Variants in ENO4 observed in about 807,000 individuals in gnomAD.
ENO4 encodes the protein 2-phospho-D-glycerate hydro-lyase.
ENO4 carries 53 observed loss-of-function variants against 63.2 expected under a neutral mutation model. The observed-to-expected ratio is 0.84, with a 90% CI of 0.67 to 1.05. The LOEUF (loss-of-function observed/expected upper bound fraction) is 1.05, where lower values mean the gene tolerates loss of function less well. ENO4 is among the 50% of genes least tolerant of loss of function. The pLI is 0.00. For missense variants in ENO4, 719 were observed against 772.0 expected (o/e 0.93, Z 0.81); for synonymous variants, 266 against 283.8 (o/e 0.94, Z 0.63).
chr10:116,857,898 A>G (rs2133251006), intron 3 of ENO4, among the ~76,000 whole-genome samples: 1 of 152,302 alleles, frequency 6.6e-6, no homozygotes, highest in Non-Finnish European at 1.5e-5. Flanking sequence ...CGGCCTCCCA[A>G]AGTGCTGGGA....
At chr10:116,899,544 TGTGAGAGA>T (rs1247755341) in intron 10 of ENO4, among the ~76,000 whole-genome samples, 14 of 99,264 alleles carry the variant, frequency 1.4e-4, no homozygotes, top group South Asian at 1.1e-3. Context: ...TGTGTGTGTG[TGTGAGAGA>T]GTGCATGCAT....
At chr10:116,873,609 C>G (rs192071461) in intron 9 of ENO4, among the ~76,000 whole-genome samples, 25 of 152,282 alleles carry the variant, frequency 1.6e-4, no homozygotes, top group Non-Finnish European at 3.1e-4. Context: ...GTTAGTATAT[C>G]AAAAGCCTAG....
intron 8 of ENO4, among the ~76,000 whole-genome samples, chr10:116,870,752 G>A (rs527597740): frequency 2.4e-4 from 36 of 152,300 alleles, no homozygotes; most frequent in Non-Finnish European, 4.4e-4. Flanking sequence ...GAAAAGGACT[G>A]GCAGAGCTAG....
At chr10:116,869,429 C>T (rs1176477031) in intron 8 of ENO4, among the ~76,000 whole-genome samples, 1 of 152,098 alleles carries the variant, frequency 6.6e-6, no homozygotes, top group Non-Finnish European at 1.5e-5. Context: ...CTTTGCCCCA[C>T]CCTGATGTTA....
At chr10:116,875,892 G>C (rs1846818424) in intron 10 of ENO4, among the ~76,000 whole-genome samples, 173 bp from the exon 11 acceptor site, 2 of 152,300 alleles carry the variant, frequency 1.3e-5, no homozygotes, top group South Asian at 4.1e-4. Flanking sequence ...GTTTCCCAAA[G>C]CTTCTTAGTT....
At chr10:116,905,367 ATGT>A (rs1031918678) in intron 10 of ENO4, among the ~76,000 whole-genome samples, 11 of 152,158 alleles carry the variant, frequency 7.2e-5, no homozygotes, top group Admixed American at 6.5e-4. Flanking sequence ...TAAGAAAAAA[ATGT>A]TGTGGTACCC....
rs537239899 is a variant in ENO4 at position 116,853,830 on chromosome 10, C to T, written c.166-1793C>T. 2.6e-3 allele frequency among the ~76,000 whole-genome samples: 400 copies of T among 152,246 alleles called. 3 individuals are homozygous for T. Among genetic ancestry groups the T allele is most frequent in the South Asian group, 1.5e-3 (7 of 4,820 alleles). ...GGGCCCCACCTCTGAACTGGCATGT[C>T]GCTGTGGGTATTAGATGACCTGTTG... On this transcript the variant is annotated intron_variant, in intron 1 of 13. Coordinates refer to ENST00000341276, the MANE Select transcript of ENO4 (RefSeq NM_001242699.2).
intron 11 of ENO4, 104 bp from the exon 12 acceptor site, chr10:116,879,187 A>G: frequency 1.4e-6 from 1 of 740,188 alleles, no homozygotes; most frequent in Non-Finnish European, 2.2e-6. Context: ...TTGACTCTTC[A>G]CAGGGAAGTT....
chr10:116,909,935 G>A (rs1848124075), intron 10 of ENO4, among the ~76,000 whole-genome samples: 1 of 152,098 alleles, frequency 6.6e-6, no homozygotes, highest in Non-Finnish European at 1.5e-5. Context: ...ACAACTGCAG[G>A]CTTTTCGTGT....
At chr10:116,908,801 T>C (rs1848074598) in intron 10 of ENO4, among the ~76,000 whole-genome samples, 1 of 152,204 alleles carries the variant, frequency 6.6e-6, no homozygotes, top group Admixed American at 6.5e-5. Flanking sequence ...TTCTTGACTG[T>C]AGTAAGCTAC....
chr10:116,901,489 G>T (rs1222789897), intron 10 of ENO4: 2 of 984,888 alleles, frequency 2.0e-6, no homozygotes, highest in South Asian at 9.4e-5. Context: ...CGCAGAGTCT[G>T]TATCATCCAG....
intron 10 of ENO4, chr10:116,907,903 CCCTG>C (rs1285543296): frequency 1.9e-6 from 1 of 518,226 alleles, no homozygotes; most frequent in Non-Finnish European, 3.9e-6. Context: ...CCTGCTCCCT[CCCTG>C]CCTGCCAACT....
chr10:116,862,306 A>C lies in ENO4; in HGVS notation c.937-493A>C, dbSNP rs1381887610. Among the ~76,000 whole-genome samples, 3 of 152,042 alleles carry C rather than the reference A, an allele frequency of 2.0e-5. No homozygotes were observed. The East Asian group carries it at 5.8e-4, about 29-fold the overall frequency. On this transcript the variant is annotated intron_variant, in intron 6 of 13. Coordinates refer to ENST00000341276, the MANE Select transcript of ENO4 (RefSeq NM_001242699.2). ...TGGCAAAACCCCGTCTCTACTAAAA[A>C]TACAAAAATTAGCCAGGCATGGTGG... is the stretch of plus-strand genomic sequence containing the variant.
At chr10:116,910,921 T>A (rs916061012) in intron 10 of ENO4, among the ~76,000 whole-genome samples, 7 of 152,246 alleles carry the variant, frequency 4.6e-5, no homozygotes. Flanking sequence ...GGGTTAAGTC[T>A]ACTGTTTAAA....
chr10:116,871,329 G>A (rs1017462569), intron 9 of ENO4, 37 bp downstream of exon 9: 3 of 1,488,318 alleles, frequency 2.0e-6, no homozygotes, highest in African/African-American at 1.4e-5. Context: ...TTCCTATTGA[G>A]ATCCATGATT....
In ENO4 at chr10:116,881,583, G is replaced by T. The variant is rs554613098; in HGVS notation, c.1792G>T (p.Ala598Ser). The T allele has an allele frequency of 1.9e-6, 3 of 1,550,384 alleles. No individual in the cohort carries two copies. In the African/African-American group the frequency reaches 4.1e-5, roughly 21 times the overall value. ...TGAAAAGGCTGCGGAGGCACTTGAG[G>T]CTGCTGCGGCTAGGGAGCCGCTGGT... is the stretch of plus-strand genomic sequence containing the variant. ...EAEKAAEALEAAAAREPLVPT... is the reference protein window; with the variant it reads ...EAEKAAEALESAAAREPLVPT... The change falls in exon 14 of 14, where the codon GCT becomes TCT. Residue 598 changes from alanine (A) to serine (S), a missense_variant. Physicochemically the swap from Ala to Ser is moderately conservative, Grantham distance 99 (BLOSUM62 1). Coordinates refer to ENST00000341276, the MANE Select transcript of ENO4 (RefSeq NM_001242699.2).
At chr10:116,907,355 G>A (rs940871642) in intron 10 of ENO4, among the ~76,000 whole-genome samples, 2 of 152,202 alleles carry the variant, frequency 1.3e-5, no homozygotes, top group East Asian at 1.9e-4. Flanking sequence ...AGCAAGGGTC[G>A]GCATCTTAAC....
intron 9 of ENO4, among the ~76,000 whole-genome samples, chr10:116,873,598 T>C (rs1846755944): frequency 6.6e-6 from 1 of 152,232 alleles, no homozygotes; most frequent in Admixed American, 6.5e-5. Context: ...TCACACTGGT[T>C]GTTAGTATAT....
At chr10:116,859,840 C>G (rs1439003969) in intron 4 of ENO4, among the ~76,000 whole-genome samples, 1 of 152,096 alleles carries the variant, frequency 6.6e-6, no homozygotes, top group Non-Finnish European at 1.5e-5. Flanking sequence ...GCACCAGAAC[C>G]AGGAAGGGAC....
Sources: allele counts gnomAD v4.1 joint callset (sites outside exome capture counted in the v4.1 genomes callset), GRCh38; gene constraint gnomAD v4.1.1; transcripts MANE v1.5; gene names NCBI Gene and HGNC (gene_info 2026-07-23, HGNC 2026-07-21).